NACC2: variants seen among roughly 807,000 people sequenced by gnomAD.
The protein encoded by NACC2 is NACC family member 2.
Under a neutral mutation model 25.1 loss-of-function variants are expected in NACC2, and 8 were observed. The ratio of observed to expected loss-of-function variants is 0.32; its 90% confidence interval spans 0.19 to 0.57. NACC2 has a LOEUF of 0.57. Among genes scored for constraint, NACC2 ranks in the 20% least tolerant of loss-of-function variants. The pLI is 0.89. For synonymous variants in NACC2, 435 were observed against 294.7 expected, an observed-to-expected ratio of 1.48 and a Z score of -4.88; for missense variants, 644 against 650.2, an observed-to-expected ratio of 0.99 and a Z score of 0.10.
intron 1 of NACC2, among the ~76,000 whole-genome samples, chr9:136,058,337 T>TC (rs1840959231): frequency 6.6e-6 from 1 of 152,072 alleles, no homozygotes; most frequent in African/African-American, 2.4e-5. Context: ...TCCCCACGGC[T>TC]CCCAGTGCCT....
In NACC2 at chr9:136,050,060, G is replaced by A. The variant is rs912283235; in HGVS notation, c.462C>T (p.Ala154=). 1.6e-5 allele frequency: 11 copies of A among 689,684 alleles called. No individual in the cohort carries two copies. In the East Asian group the frequency reaches 2.0e-4, roughly 12 times the overall value. The allele number at this position is 689,684 out of a possible 1,614,324, so 42.7% of individuals were successfully genotyped here. A position where few individuals can be genotyped will look rare whatever the true frequency, so the allele number is the denominator to read the frequency against. ...GGGACACGACGTAGGGGGCCGCGGC[G>A]GCGGCGGCCGGCTGCAGCTGGTTGC... is the stretch of plus-strand genomic sequence containing the variant. ...SPCNQLQPAA[A]AAAPYVVSPS... The change falls in exon 2 of 6, where the codon GCC becomes GCT. Residue 154 remains alanine, a synonymous_variant. Coordinates refer to ENST00000277554, the MANE Select transcript of NACC2 (RefSeq NM_144653.5).
At chr9:136,078,084 T>C (rs1830282197) in intron 1 of NACC2, among the ~76,000 whole-genome samples, 1 of 152,246 alleles carries the variant, frequency 6.6e-6, no homozygotes, top group South Asian at 2.1e-4. Context: ...ATCATACTTT[T>C]ATAATCACGA....
At chr9:136,072,561 G>GA (rs1286450527) in intron 1 of NACC2, among the ~76,000 whole-genome samples, 5 of 151,304 alleles carry the variant, frequency 3.3e-5, no homozygotes, top group South Asian at 2.1e-4. Context: ...GAAAAGAAAA[G>GA]AAAAAAAAGG....
rs966740932 is a variant in NACC2 at position 136,018,363 on chromosome 9, G to A, written c.887-1934C>T. On this transcript the variant is annotated intron_variant, in intron 2 of 5. Coordinates refer to ENST00000277554, the MANE Select transcript of NACC2 (RefSeq NM_144653.5). This position sits in a 1 kb window ranked among gnomAD's most constrained non-coding sequence, Gnocchi z 4.4. ...TTTGCACCCAGCGCCTGTCAGGGAG[G>A]GGCAGGCCACCCAGCCCTGGGGGGC... Among the ~76,000 whole-genome samples, 1 of 152,010 alleles carries A rather than the reference G, an allele frequency of 6.6e-6. No homozygotes were observed. The highest frequency in any genetic ancestry group is 1.5e-5 in the Non-Finnish European group (1 of 67,982).
intron 1 of NACC2, among the ~76,000 whole-genome samples, chr9:136,060,362 G>A (rs1032736997): frequency 3.3e-5 from 5 of 152,228 alleles, no homozygotes; most frequent in African/African-American, 7.2e-5. Context: ...CCTTTAAGCC[G>A]GGGCCATAAA....
chr9:136,038,870 G>A lies in NACC2; in HGVS notation c.886+10766C>T, dbSNP rs1027760291. 4.6e-5 allele frequency among the ~76,000 whole-genome samples: 7 copies of A among 152,312 alleles called. No homozygotes were observed. The South Asian group carries it at 1.2e-3, about 27-fold the overall frequency. Reference sequence around the variant, plus strand: ...AACAACTGAGGCAGAAGCAGGAATAGCTAGTAAGCAATCGTGGAGCTAAAA... The same window carrying A: ...AACAACTGAGGCAGAAGCAGGAATAACTAGTAAGCAATCGTGGAGCTAAAA... On this transcript the variant is annotated intron_variant, in intron 2 of 5. Transcript: ENST00000277554.
At chr9:136,031,457 C>T (rs1297665449) in intron 2 of NACC2, among the ~76,000 whole-genome samples, 3 of 152,156 alleles carry the variant, frequency 2.0e-5, no homozygotes, top group Non-Finnish European at 2.9e-5. Context: ...CGTGCTTCAG[C>T]CTCCCGAGCA....
At chr9:136,079,149 G>T (rs370932641) in intron 1 of NACC2, among the ~76,000 whole-genome samples, 2 of 151,938 alleles carry the variant, frequency 1.3e-5, no homozygotes, top group South Asian at 2.1e-4. Flanking sequence ...TCCTTAACAA[G>T]AGAAAGCTTG....
At chr9:136,088,873 C>T (rs755534705) in intron 1 of NACC2, among the ~76,000 whole-genome samples, 242 of 152,316 alleles carry the variant, frequency 1.6e-3, no homozygotes, top group Non-Finnish European at 3.0e-3. Flanking sequence ...GCCCAGCCCC[C>T]GGCATCCTGG....
intron 3 of NACC2, among the ~76,000 whole-genome samples, chr9:136,014,676 G>C (rs986850493): frequency 4.6e-5 from 7 of 152,210 alleles, no homozygotes; most frequent in Non-Finnish European, 8.8e-5. Context: ...CCAGATACCA[G>C]AGAGCCCTCA....
At chr9:136,080,954 C>G (rs1039800659) in intron 1 of NACC2, among the ~76,000 whole-genome samples, 1 of 152,168 alleles carries the variant, frequency 6.6e-6, no homozygotes, top group African/African-American at 2.4e-5. Context: ...TGGGACAGGT[C>G]CAAGGTGGCA....
chr9:136,082,988 G>A (rs1830339793), intron 1 of NACC2, among the ~76,000 whole-genome samples: 2 of 152,160 alleles, frequency 1.3e-5, no homozygotes, highest in Admixed American at 6.5e-5. Context: ...CGTGTTTTAC[G>A]GCTGTCATAA....
intron 1 of NACC2, among the ~76,000 whole-genome samples, chr9:136,058,573 G>C (rs1192930235): frequency 2.0e-5 from 3 of 152,136 alleles, no homozygotes; most frequent in African/African-American, 7.2e-5. Context: ...ACAGACTCTA[G>C]GAACAACAGG....
intron 2 of NACC2, among the ~76,000 whole-genome samples, chr9:136,016,667 T>C (rs555457857): frequency 1.9e-4 from 29 of 152,146 alleles, no homozygotes; most frequent in African/African-American, 6.0e-4. Flanking sequence ...AGGGAAGCTC[T>C]TGTGAACGAG....
chr9:136,022,277 C>T lies in NACC2; in HGVS notation c.887-5848G>A, dbSNP rs1840304862. On this transcript the variant is annotated intron_variant, in intron 2 of 5. Transcript: ENST00000277554. The surrounding 1 kb of genome is among the most constrained non-coding windows in gnomAD (Gnocchi z 4.4). ...GGCCCGGGTGATGAGGTAACGGGTGCCCCACATGCAGTGGGCCTCGGGGAG... is the reference window on the plus strand; with the variant it reads ...GGCCCGGGTGATGAGGTAACGGGTGTCCCACATGCAGTGGGCCTCGGGGAG... Among the ~76,000 whole-genome samples, 1 of 152,200 alleles carries T rather than the reference C, an allele frequency of 6.6e-6. No homozygotes were observed. Among genetic ancestry groups the T allele is most frequent in the Non-Finnish European group, 1.5e-5 (1 of 68,032 alleles).
intron 1 of NACC2, 138 bp downstream of exon 1, chr9:136,095,051 C>A (rs1425651339): frequency 6.8e-6 from 1 of 146,080 alleles, no homozygotes; most frequent in Non-Finnish European, 1.5e-5. Flanking sequence ...ACCCGCCCCG[C>A]GCGGCCGGCA....
chr9:136,051,564 A>G (rs917466542), intron 1 of NACC2, among the ~76,000 whole-genome samples: 7 of 152,054 alleles, frequency 4.6e-5, no homozygotes, highest in Non-Finnish European at 7.4e-5. Context: ...AGGGCCGCAC[A>G]AAGGCCGCTG....
At chr9:136,028,156 G>A (rs1384348650) in intron 2 of NACC2, among the ~76,000 whole-genome samples, 2 of 150,312 alleles carry the variant, frequency 1.3e-5, no homozygotes, top group Non-Finnish European at 2.9e-5. Context: ...AGCTACTTGA[G>A]AGGCTGAGTG....
At chr9:136,091,797 C>T (rs1410768196) in intron 1 of NACC2, among the ~76,000 whole-genome samples, 3 of 152,034 alleles carry the variant, frequency 2.0e-5, no homozygotes, top group African/African-American at 7.2e-5. Context: ...TCTCATCTCA[C>T]CAAGAGCCAG....
Sources: gnomAD v4.1 joint callset for allele counts (sites outside exome capture counted in the v4.1 genomes callset) on GRCh38, gnomAD v4.1.1 for gene constraint, Gnocchi (gnomAD v3.1) non-coding constraint, MANE v1.5 for transcripts, NCBI Gene and HGNC (gene_info 2026-07-23, HGNC 2026-07-21) for gene names.